Variants in COL4A2 observed in about 807,000 individuals in gnomAD.
The protein encoded by COL4A2 is collagen type IV alpha 2 chain, also known as collagen alpha-2(IV) chain.
COL4A2 carries 99 observed loss-of-function variants against 200.2 expected under a neutral mutation model. That is an observed-to-expected ratio of 0.49 (90% CI 0.42 to 0.58). The LOEUF is 0.58. Ranked by LOEUF, COL4A2 falls within the 20% of genes least tolerant of loss-of-function variation. The probability of loss-of-function intolerance (pLI) is 0.00; values close to 1 mark genes in which losing one functional copy is unlikely to be tolerated. For missense variants in COL4A2, 1,950 were observed against 2,314.1 expected (o/e 0.84, Z 3.23); for synonymous variants, 897 against 900.6 (o/e 1.00, Z 0.07).
intron 4 of COL4A2, among the ~76,000 whole-genome samples, chr13:110,411,776 T>C (rs750193146): frequency 1.3e-5 from 2 of 152,234 alleles, no homozygotes; most frequent in Non-Finnish European, 2.9e-5. Context: ...GTCATGTCTG[T>C]TCCTCAAGGG....
At chr13:110,355,838 TGTG>T (rs1186527105) in intron 3 of COL4A2, among the ~76,000 whole-genome samples, 159 of 8,252 alleles carry the variant, frequency 0.019, 34 homozygotes, top group African/African-American at 0.091. Context: ...CTCACCTGTG[TGTG>T]GGGGGGAGGG....
chr13:110,489,525 C>T lies in COL4A2; in HGVS notation c.3271+17C>T, dbSNP rs1883215625. ...GTGATTTCGGTGAGTGTTGCCCGTCCAGTGAAAACAGGGAGTCCACAATTC... is the reference window on the plus strand; with the variant it reads ...GTGATTTCGGTGAGTGTTGCCCGTCTAGTGAAAACAGGGAGTCCACAATTC... On this transcript the variant is annotated intron_variant, in intron 35 of 47. Transcript: ENST00000360467. The T allele has an allele frequency of 1.2e-6, 2 of 1,613,874 alleles. No homozygotes were observed. Among genetic ancestry groups the T allele is most frequent in the African/African-American group, 1.3e-5 (1 of 74,912 alleles).
chr13:110,382,057 CCTA>C (rs1219151987), intron 4 of COL4A2, among the ~76,000 whole-genome samples: 3 of 152,126 alleles, frequency 2.0e-5, no homozygotes, highest in Non-Finnish European at 2.9e-5. Context: ...TCATTTGTGT[CCTA>C]CTGCTGTTGA....
intron 23 of COL4A2, 33 bp from the exon 24 acceptor site, chr13:110,462,245 C>T: frequency 6.2e-7 from 1 of 1,614,248 alleles, no homozygotes; most frequent in Non-Finnish European, 8.5e-7. Context: ...TGGGCACCTG[C>T]CTGGGCAGCT....
intron 34 of COL4A2, among the ~76,000 whole-genome samples, chr13:110,486,413 G>A (rs1001778191): frequency 1.3e-5 from 2 of 152,234 alleles, no homozygotes; most frequent in Admixed American, 6.5e-5. Flanking sequence ...CTTGAGTGCT[G>A]TATAGACAGT....
At chr13:110,430,909 C>T (rs181053960) in intron 10 of COL4A2, 6 of 593,078 alleles carry the variant, frequency 1.0e-5, no homozygotes, top group Non-Finnish European at 1.9e-5. Flanking sequence ...ACAGACAGCC[C>T]ATCATCCCTG....
intron 4 of COL4A2, among the ~76,000 whole-genome samples, chr13:110,372,035 C>A (rs553080856): frequency 4.7e-4 from 72 of 152,284 alleles, no homozygotes; most frequent in Admixed American, 2.3e-3. Context: ...CTCTCTCTCT[C>A]TGTAAGAATG....
At chr13:110,378,382 G>C (rs1281648061) in intron 4 of COL4A2, among the ~76,000 whole-genome samples, 2 of 152,234 alleles carry the variant, frequency 1.3e-5, no homozygotes, top group Non-Finnish European at 2.9e-5. Context: ...GGAAGGACCT[G>C]ATACACTAGC....
At chr13:110,466,848 T>A (rs1296021530) in intron 26 of COL4A2, among the ~76,000 whole-genome samples, 192 bp from the exon 27 acceptor site, 2 of 152,236 alleles carry the variant, frequency 1.3e-5, no homozygotes, top group Non-Finnish European at 1.5e-5. Context: ...ACGAATATTT[T>A]GATTTCATTA....
In COL4A2 at chr13:110,469,289, G is replaced by A; in HGVS notation, c.2168G>A (p.Gly723Glu). The A allele has an allele frequency of 6.2e-7, 1 of 1,600,248 alleles. No homozygotes were observed. Among genetic ancestry groups the A allele is most frequent in the Non-Finnish European group, 8.5e-7 (1 of 1,173,610 alleles). Residue 723 changes from glycine to glutamate, a missense_variant, in exon 28 of 48, where the codon GGA becomes GAA. By Grantham distance (98) the Gly-to-Glu change is moderately conservative. Transcript: ENST00000360467. ...GGACCAGGGCCCAGGGGCTTGCCAG[G>A]AGACGCAGGTCGTGAAGGGTTCCCA... Reference protein sequence around the residue: ...DGGPGPRGLPGDAGREGFPGP... With the variant: ...DGGPGPRGLPEDAGREGFPGP...
intron 28 of COL4A2, among the ~76,000 whole-genome samples, chr13:110,470,249 C>T (rs1417304207): frequency 6.6e-6 from 1 of 152,152 alleles, no homozygotes; most frequent in African/African-American, 2.4e-5. Flanking sequence ...TCTAATGAAA[C>T]CATGGAAGCC....
At chr13:110,326,715 G>A (rs968149747) in intron 3 of COL4A2, among the ~76,000 whole-genome samples, 66 of 152,114 alleles carry the variant, frequency 4.3e-4, no homozygotes, top group Non-Finnish European at 1.3e-4. Context: ...GTGACTCCTG[G>A]TCTGCTGGGA....
At chr13:110,317,774 G>A (rs1413096603) in intron 3 of COL4A2, among the ~76,000 whole-genome samples, 1 of 152,220 alleles carries the variant, frequency 6.6e-6, no homozygotes, top group East Asian at 1.9e-4. Flanking sequence ...AGGGGAAAAG[G>A]AGGGGCAAAC....
chr13:110,394,356 AC>A (rs1469533558), intron 4 of COL4A2, among the ~76,000 whole-genome samples: 1 of 152,134 alleles, frequency 6.6e-6, no homozygotes, highest in Non-Finnish European at 1.5e-5. Flanking sequence ...ACTGTTTCTA[AC>A]CTGGTTAGGC....
At chr13:110,319,356 T>G (rs1885223772) in intron 3 of COL4A2, among the ~76,000 whole-genome samples, 1 of 152,208 alleles carries the variant, frequency 6.6e-6, no homozygotes. Flanking sequence ...TGGAAACACT[T>G]ATAAACAAAG....
intron 30 of COL4A2, among the ~76,000 whole-genome samples, chr13:110,479,787 G>C (rs1388229383): frequency 6.6e-6 from 1 of 152,174 alleles, no homozygotes; most frequent in East Asian, 1.9e-4. Context: ...AGACCAGAGA[G>C]GGCAGCAGCA....
intron 4 of COL4A2, among the ~76,000 whole-genome samples, chr13:110,388,765 G>A (rs1878870482): frequency 6.6e-6 from 1 of 152,214 alleles, no homozygotes; most frequent in Non-Finnish European, 1.5e-5. Flanking sequence ...CAGAATTTGT[G>A]CATGATAAAC....
At chr13:110,364,191 T>C (rs954347803) in intron 4 of COL4A2, among the ~76,000 whole-genome samples, 12 of 152,182 alleles carry the variant, frequency 7.9e-5, no homozygotes, top group Admixed American at 5.9e-4. Flanking sequence ...TAGTCAGAAA[T>C]AGCAAAAACA....
intron 27 of COL4A2, 152 bp from the exon 28 acceptor site, chr13:110,469,065 T>C: frequency 1.3e-6 from 1 of 759,688 alleles, no homozygotes; most frequent in Admixed American, 2.9e-5. Context: ...AATCATTCTG[T>C]AAGCCTGGAG....
Sources: allele counts gnomAD v4.1 joint callset (sites outside exome capture counted in the v4.1 genomes callset), GRCh38; gene constraint gnomAD v4.1.1; transcripts MANE v1.5; gene names NCBI Gene and HGNC (gene_info 2026-07-23, HGNC 2026-07-21).